GRXCR1: variants seen among roughly 807,000 people sequenced by gnomAD.
GRXCR1 encodes glutaredoxin domain-containing cysteine-rich protein 1.
Under a neutral mutation model 27.3 loss-of-function variants are expected in GRXCR1, and 27 were observed. The observed-to-expected ratio is 0.99, with a 90% CI of 0.73 to 1.37. The LOEUF is 1.37. GRXCR1 is among the 40% of genes most tolerant of loss of function. The pLI, the probability that GRXCR1 is intolerant of heterozygous loss-of-function variation, is 0.00. For missense variants in GRXCR1, 379 were observed against 354.4 expected (o/e 1.07, Z -0.56); for synonymous variants, 122 against 131.1 (o/e 0.93, Z 0.47).
intron 1 of GRXCR1, among the ~76,000 whole-genome samples, chr4:42,922,751 G>T (rs1017431432): frequency 7.2e-5 from 11 of 151,926 alleles, no homozygotes; most frequent in African/African-American, 2.4e-4. Context: ...GCTGTCTTTT[G>T]TTATCAGTCA....
intron 2 of GRXCR1, among the ~76,000 whole-genome samples, chr4:43,013,283 G>A (rs954212193): frequency 5.3e-5 from 8 of 152,156 alleles, no homozygotes; most frequent in African/African-American, 1.9e-4. Context: ...CAGCAGCCAT[G>A]AAAAAGCATA....
chr4:42,950,730 G>A (rs1323747635), intron 1 of GRXCR1, among the ~76,000 whole-genome samples: 1 of 152,122 alleles, frequency 6.6e-6, no homozygotes, highest in Non-Finnish European at 1.5e-5. Context: ...AGGCGAGACT[G>A]TAGCTATTCC....
At chr4:42,942,682 G>A (rs1344734294) in intron 1 of GRXCR1, among the ~76,000 whole-genome samples, 1 of 152,086 alleles carries the variant, frequency 6.6e-6, no homozygotes. Flanking sequence ...TGGGACCAGG[G>A]TCTGGGACCT....
chr4:42,932,238 G>C (rs936179738), intron 1 of GRXCR1, among the ~76,000 whole-genome samples: 16 of 151,674 alleles, frequency 1.1e-4, no homozygotes, highest in Non-Finnish European at 2.2e-4. Context: ...CCCTCCTCTT[G>C]ATGTATGCAT....
intron 1 of GRXCR1, among the ~76,000 whole-genome samples, chr4:42,928,155 G>T (rs1331853076): frequency 1.3e-5 from 2 of 151,978 alleles, no homozygotes; most frequent in African/African-American, 2.4e-5. Context: ...AGCAGGATTA[G>T]TGACACACCC....
At chr4:42,951,913 G>A (rs1747892231) in intron 1 of GRXCR1, among the ~76,000 whole-genome samples, 1 of 152,116 alleles carries the variant, frequency 6.6e-6, no homozygotes, top group Admixed American at 6.5e-5. Context: ...CATTGTCTTT[G>A]CAGTTAACGT....
intron 1 of GRXCR1, among the ~76,000 whole-genome samples, chr4:42,908,314 G>A (rs1434665523): frequency 6.6e-6 from 1 of 152,176 alleles, no homozygotes; most frequent in Non-Finnish European, 1.5e-5. Context: ...GTCTGGTAGG[G>A]TAGATGCTGA....
chr4:42,999,832 T>G (rs1014425590), intron 2 of GRXCR1, among the ~76,000 whole-genome samples: 3 of 152,242 alleles, frequency 2.0e-5, no homozygotes, highest in African/African-American at 4.8e-5. Flanking sequence ...ATTGTTTGTA[T>G]GCATCGGTAA....
At chr4:43,007,643 G>T (rs755136049) in intron 2 of GRXCR1, among the ~76,000 whole-genome samples, 1 of 151,234 alleles carries the variant, frequency 6.6e-6, no homozygotes, top group Non-Finnish European at 1.5e-5. Context: ...AATAAACATT[G>T]CATGTAAATC....
chr4:42,946,919 A>T (rs924420698), intron 1 of GRXCR1, among the ~76,000 whole-genome samples: 1 of 152,160 alleles, frequency 6.6e-6, no homozygotes, highest in Admixed American at 6.6e-5. Context: ...ACACTTTTTG[A>T]TCTCAGAAAG....
At chr4:42,994,106 G>A (rs2109792521) in intron 2 of GRXCR1, among the ~76,000 whole-genome samples, 1 of 152,214 alleles carries the variant, frequency 6.6e-6, no homozygotes, top group South Asian at 2.1e-4. Context: ...GCCAAAGATG[G>A]TTCTTTATAG....
chr4:42,909,838 G>A (rs569255959), intron 1 of GRXCR1, among the ~76,000 whole-genome samples: 4 of 152,260 alleles, frequency 2.6e-5, no homozygotes, highest in African/African-American at 9.6e-5. Context: ...ATTAGCCTGA[G>A]TCCCTCTCAA....
chr4:42,898,256 C>T (rs1746392744), intron 1 of GRXCR1, among the ~76,000 whole-genome samples: 1 of 151,744 alleles, frequency 6.6e-6, no homozygotes, highest in Admixed American at 6.6e-5. Flanking sequence ...ATTTGATCTT[C>T]ATCTAGAAAG....
At chr4:42,897,786 G>A (rs555364058) in intron 1 of GRXCR1, among the ~76,000 whole-genome samples, 2 of 151,914 alleles carry the variant, frequency 1.3e-5, no homozygotes, top group Non-Finnish European at 2.9e-5. Context: ...AATTTTTAAA[G>A]AAAGTAAATA....
chr4:42,964,339 T>C (rs947173413), intron 2 of GRXCR1, among the ~76,000 whole-genome samples: 3 of 152,020 alleles, frequency 2.0e-5, no homozygotes, highest in Non-Finnish European at 1.5e-5. Context: ...AACTTTCATA[T>C]GGCATACTGG....
intron 2 of GRXCR1, among the ~76,000 whole-genome samples, chr4:43,018,012 A>C (rs1172623805): frequency 6.6e-6 from 1 of 152,206 alleles, no homozygotes; most frequent in Non-Finnish European, 1.5e-5. Flanking sequence ...AAATGTGCCA[A>C]GTAGGCTAAA....
intron 2 of GRXCR1, among the ~76,000 whole-genome samples, chr4:42,993,271 A>G (rs1025764759): frequency 6.6e-6 from 1 of 152,042 alleles, no homozygotes; most frequent in Non-Finnish European, 1.5e-5. Flanking sequence ...ATTCTTCATT[A>G]TTGGTCCTCT....
chr4:42,911,617 G>A (rs981050339), intron 1 of GRXCR1, among the ~76,000 whole-genome samples: 1 of 151,984 alleles, frequency 6.6e-6, no homozygotes, highest in Non-Finnish European at 1.5e-5. Context: ...TAATTAAACA[G>A]TGTGTGTAGT....
chr4:42,920,846 G>C (rs1358006890), intron 1 of GRXCR1, among the ~76,000 whole-genome samples: 7 of 151,934 alleles, frequency 4.6e-5, no homozygotes, highest in Non-Finnish European at 8.8e-5. Flanking sequence ...TCTTCCCTCT[G>C]GTTTTTTTGA....
Sources: gnomAD v4.1 joint callset for allele counts (sites outside exome capture counted in the v4.1 genomes callset) on GRCh38, gnomAD v4.1.1 for gene constraint, MANE v1.5 for transcripts, NCBI Gene and HGNC (gene_info 2026-07-23, HGNC 2026-07-21) for gene names.